FERMT1: variants seen among roughly 807,000 people sequenced by gnomAD.
FERMT1 encodes the protein fermitin family homolog 1.
In FERMT1, 60 loss-of-function variants were observed where a neutral mutation model predicts 85.3. The observed-to-expected ratio is 0.70, with a 90% CI of 0.57 to 0.87. The LOEUF (loss-of-function observed/expected upper bound fraction) is 0.87. FERMT1 is among the 40% of genes least tolerant of loss of function. The pLI is 0.00. For synonymous variants in FERMT1, 275 were observed against 301.1 expected, an observed-to-expected ratio of 0.91 and a Z score of 0.90; for missense variants, 701 against 818.9, an observed-to-expected ratio of 0.86 and a Z score of 1.76.
At chr20:6,120,740 G>C (rs1368568260) in intron 1 of FERMT1, among the ~76,000 whole-genome samples, 2 of 152,176 alleles carry the variant, frequency 1.3e-5, no homozygotes, top group African/African-American at 2.4e-5. Context: ...GGGCTTCTCT[G>C]AGGGTGTACA....
Position 6,123,014 on chromosome 20 carries a change from G to T in FERMT1, c.-259C>A, listed in dbSNP as rs1421946809. 2.0e-5 allele frequency: 3 copies of T among 152,256 alleles called. No individual in the cohort carries two copies. Among genetic ancestry groups the T allele is most frequent in the South Asian group, 2.1e-4 (1 of 4,836 alleles). The allele number at this position is 152,256 out of a possible 1,614,324, so 9.4% of individuals were successfully genotyped here. A position where few individuals can be genotyped will look rare whatever the true frequency, so the allele number is the denominator to read the frequency against. ...TCGGTGCCTGCCCCCAGCCTGGCGC[G>T]GCGTGCCCGGTGCACTGCACGGCCC... is the stretch of plus-strand genomic sequence containing the variant. On this transcript the variant is annotated 5_prime_UTR_variant, in exon 1 of 15. Coordinates refer to ENST00000217289, the MANE Select transcript of FERMT1 (RefSeq NM_017671.5).
intron 4 of FERMT1, 73 bp downstream of exon 4, chr20:6,112,404 G>GGGA: frequency 7.1e-7 from 1 of 1,401,418 alleles, no homozygotes; most frequent in Non-Finnish European, 1.0e-6. Context: ...TGGTGGGGGT[G>GGGA]GGAGGAGAGA....
Position 6,098,251 on chromosome 20 carries a change from A to AAGTAAACAGTGTAATT in FERMT1, c.850-621_850-620insAATTACACTGTTTACT, listed in dbSNP as rs1456813117. Reference sequence around the variant, plus strand: ...TGGTTTATATGATAAACAGTGTAATAAGTAAACAGTGTAATAGAAGGGATC... The same window carrying AAGTAAACAGTGTAATT: ...TGGTTTATATGATAAACAGTGTAATAAGTAAACAGTGTAATTAGTAAACAGTGTAATAGAAGGGATC... On this transcript the variant is annotated intron_variant, in intron 6 of 14. Transcript: ENST00000217289. 4.8e-3 allele frequency among the ~76,000 whole-genome samples: 734 copies of AAGTAAACAGTGTAATT among 152,294 alleles called. 8 individuals are homozygous for AAGTAAACAGTGTAATT. The highest frequency in any genetic ancestry group is 0.017 in the African/African-American group (703 of 41,548).
intron 2 of FERMT1, among the ~76,000 whole-genome samples, chr20:6,116,559 C>G (rs1983107454): frequency 6.6e-6 from 1 of 151,970 alleles, no homozygotes; most frequent in Admixed American, 6.6e-5. Context: ...AAAACCCTGT[C>G]TCTACTAAAA....
intron 13 of FERMT1, among the ~76,000 whole-genome samples, chr20:6,082,620 G>A (rs570647898): frequency 1.3e-5 from 2 of 152,292 alleles, no homozygotes; most frequent in East Asian, 3.9e-4. Flanking sequence ...GATATTCAAT[G>A]AGATATTTCA....
Position 6,085,276 on chromosome 20 carries a change from G to T in FERMT1, c.1383C>A (p.Tyr461Ter), listed in dbSNP as rs142328166. The T allele has an allele frequency of 6.2e-7, 1 of 1,613,418 alleles. No homozygotes were observed. Among genetic ancestry groups the T allele is most frequent in the Non-Finnish European group, 8.5e-7 (1 of 1,179,984 alleles). The stretch of plus-strand genomic sequence containing the variant: ...ACATGCAGGCAGCCATCCATTGGGC[G>T]TATTGATTCTCCTGCAGCAAACAGA... ...MYLRCDHENQ[Y>*]AQWMAACMLA... Residue 461 changes from tyrosine to a stop codon, truncating the protein, a stop_gained, in exon 12 of 15, where the codon TAC becomes TAA. Coordinates refer to ENST00000217289, the MANE Select transcript of FERMT1 (RefSeq NM_017671.5). LOFTEE classifies it high-confidence loss of function.
chr20:6,079,479 A>C lies in FERMT1; in HGVS notation c.1817T>G (p.Phe606Cys). 1 of 1,614,128 alleles carries C rather than the reference A, an allele frequency of 6.2e-7. No individual in the cohort carries two copies. Among genetic ancestry groups the C allele is most frequent in the Non-Finnish European group, 8.5e-7 (1 of 1,180,002 alleles). The change falls in exon 14 of 15, where the codon TTC becomes TGC. Residue 606 changes from phenylalanine (F) to cysteine (C), a missense_variant. Coordinates refer to ENST00000217289, the MANE Select transcript of FERMT1 (RefSeq NM_017671.5). ...ATGIPVTTWR[F>C]TNIKQWNVNW... Reference sequence around the variant, plus strand: ...TACATTCCACTGTTTGATATTTGTGAATCTCCATGTTGTCACTGGAATCCC... The same window carrying C: ...TACATTCCACTGTTTGATATTTGTGCATCTCCATGTTGTCACTGGAATCCC...
intron 2 of FERMT1, among the ~76,000 whole-genome samples, chr20:6,117,787 T>C (rs1375372429): frequency 1.3e-5 from 2 of 148,334 alleles, no homozygotes; most frequent in African/African-American, 5.0e-5. Flanking sequence ...CCTCAGGTGA[T>C]CCACCCACCT....
intron 2 of FERMT1, among the ~76,000 whole-genome samples, chr20:6,117,653 C>T (rs978567286): frequency 4.0e-5 from 6 of 151,734 alleles, no homozygotes; most frequent in East Asian, 1.9e-4. Flanking sequence ...AGGCTGGTCT[C>T]GAACTCCTGA....
In FERMT1 at chr20:6,076,502, G is replaced by A. The variant is rs2123082549; in HGVS notation, c.*671C>T. ...TTGCAGGTGGCCCCAGAAATCTGAG[G>A]AGACCAATGACTAAGACCAGATGTG... On this transcript the variant is annotated 3_prime_UTR_variant, in exon 15 of 15. Transcript: ENST00000217289. 1.9e-6 allele frequency: 1 copy of A among 513,502 alleles called. No individual in the cohort carries two copies. The allele number at this position is 513,502 out of a possible 1,614,324, so 31.8% of individuals were successfully genotyped here. A position where few individuals can be genotyped will look rare whatever the true frequency, so the allele number is the denominator to read the frequency against.
rs1341486020 is a variant in FERMT1, at chr20:6,084,300, C to T, written c.1594-136G>A. On this transcript the variant is annotated intron_variant, in intron 12 of 14. Transcript: ENST00000217289. The stretch of plus-strand genomic sequence containing the variant: ...TCTACAAAGACAATCCATTCTCATC[C>T]ATTCATTCTCTCTCTTTTTCTACAA... 7.5e-6 allele frequency: 7 copies of T among 939,062 alleles called. No individual in the cohort carries two copies. The East Asian group carries it at 1.3e-4, about 18-fold the overall frequency. The allele number at this position is 939,062 out of a possible 1,614,324, so 58.2% of individuals were successfully genotyped here.
intron 14 of FERMT1, 111 bp from the exon 15 acceptor site, chr20:6,077,457 T>TC: frequency 5.3e-6 from 5 of 947,566 alleles, no homozygotes; most frequent in Non-Finnish European, 6.7e-6. Context: ...GGATAACAGA[T>TC]GGATATCCCT....
At chr20:6,111,608 G>A (rs1982951809) in intron 4 of FERMT1, among the ~76,000 whole-genome samples, 1 of 151,598 alleles carries the variant, frequency 6.6e-6, no homozygotes, top group Admixed American at 6.6e-5. Context: ...CTCCAGCTTG[G>A]GTGACAGAGC....
intron 9 of FERMT1, among the ~76,000 whole-genome samples, chr20:6,094,529 C>T (rs1302444761): frequency 6.6e-6 from 1 of 152,158 alleles, no homozygotes; most frequent in Non-Finnish European, 1.5e-5. Flanking sequence ...CAGATGGAAC[C>T]TACTAGAAGC....
At chr20:6,096,801 T>TTA in intron 8 of FERMT1, 101 bp downstream of exon 8, 1 of 925,434 alleles carries the variant, frequency 1.1e-6, no homozygotes, top group Non-Finnish European at 1.6e-6. Flanking sequence ...TTTTTTTTTT[T>TTA]CAAAATCAGA....
At chr20:6,115,477 A>G (rs543510886) in intron 3 of FERMT1, among the ~76,000 whole-genome samples, 1 of 152,308 alleles carries the variant, frequency 6.6e-6, no homozygotes, top group East Asian at 1.9e-4. Flanking sequence ...ATTTAATACA[A>G]CTCTTTAAAT....
chr20:6,119,583 A>C lies in FERMT1; in HGVS notation c.-18-11T>G, dbSNP rs2273423. 0.6 allele frequency: 957,780 copies of C among 1,604,058 alleles called. 290,809 individuals are homozygous for C. Among genetic ancestry groups the C allele is most frequent in the East Asian group, 0.86 (38,251 of 44,712 alleles). The stretch of plus-strand genomic sequence containing the variant: ...GGCAAATGCTGGTGTCTGCTGAACA[A>C]AAAGGCAGACATAGATTGGAATGTG... On this transcript the variant is annotated splice_polypyrimidine_tract_variant and intron_variant, in intron 1 of 14. Coordinates refer to ENST00000217289, the MANE Select transcript of FERMT1 (RefSeq NM_017671.5).
intron 12 of FERMT1, among the ~76,000 whole-genome samples, 181 bp downstream of exon 12, chr20:6,084,885 A>G (rs1982117787): frequency 6.6e-6 from 1 of 151,842 alleles, no homozygotes; most frequent in African/African-American, 2.4e-5. Flanking sequence ...TATAGAAGGG[A>G]TTTTACCGTG....
At chr20:6,101,144 G>A (rs1459135082) in intron 6 of FERMT1, among the ~76,000 whole-genome samples, 1 of 152,186 alleles carries the variant, frequency 6.6e-6, no homozygotes, top group Non-Finnish European at 1.5e-5. Context: ...TGATGTTGGT[G>A]AGGATGTGGG....
Sources: gnomAD v4.1 joint callset for allele counts (sites outside exome capture counted in the v4.1 genomes callset) on GRCh38, gnomAD v4.1.1 for gene constraint, MANE v1.5 for transcripts, NCBI Gene and HGNC (gene_info 2026-07-23, HGNC 2026-07-21) for gene names.